AMOTL1: variants seen among roughly 807,000 people sequenced by gnomAD.
AMOTL1 encodes the protein angiomotin like 1, also known as angiomotin-like protein 1.
AMOTL1 carries 45 observed loss-of-function variants against 102.9 expected under a neutral mutation model. That is an observed-to-expected ratio of 0.44 (90% CI 0.34 to 0.56). The LOEUF (loss-of-function observed/expected upper bound fraction) is 0.56, where lower values mean the gene tolerates loss of function less well. AMOTL1 is among the 20% of genes least tolerant of loss of function. AMOTL1 has a pLI of 0.01. For synonymous variants in AMOTL1, 481 were observed against 484.7 expected, an observed-to-expected ratio of 0.99 and a Z score of 0.10; for missense variants, 1,114 against 1,225.6, an observed-to-expected ratio of 0.91 and a Z score of 1.36.
intron 9 of AMOTL1, among the ~76,000 whole-genome samples, chr11:94,862,111 G>A (rs765344813): frequency 6.6e-6 from 1 of 151,928 alleles, no homozygotes; most frequent in Non-Finnish European, 1.5e-5. Context: ...TTCCATCCCC[G>A]TCACCCCTCC....
chr11:94,824,215 G>T (rs1382261141), intron 4 of AMOTL1, among the ~76,000 whole-genome samples: 2 of 152,114 alleles, frequency 1.3e-5, no homozygotes, highest in African/African-American at 4.8e-5. Flanking sequence ...TCAGTCCCTT[G>T]AATGTTATAA....
At chr11:94,722,321 C>T (rs1218879069) in intron 1 of AMOTL1, among the ~76,000 whole-genome samples, 1 of 152,136 alleles carries the variant, frequency 6.6e-6, no homozygotes, top group Non-Finnish European at 1.5e-5. Context: ...TTCTGTTTCT[C>T]CATGGAATGC....
chr11:94,746,608 C>G (rs1458383919), intron 3 of AMOTL1, among the ~76,000 whole-genome samples: 1 of 152,136 alleles, frequency 6.6e-6, no homozygotes, highest in Non-Finnish European at 1.5e-5. Context: ...AGCCTTCAAC[C>G]CTAATCCCAT....
At chr11:94,738,315 T>A (rs1351808373) in intron 2 of AMOTL1, among the ~76,000 whole-genome samples, 1 of 144,762 alleles carries the variant, frequency 6.9e-6, no homozygotes, top group African/African-American at 2.5e-5. Context: ...TGGACTGCAA[T>A]GGCGTGATCT....
At chr11:94,850,353 A>G (rs1952509047) in intron 7 of AMOTL1, 94 bp downstream of exon 7, 1 of 1,428,864 alleles carries the variant, frequency 7.0e-7, no homozygotes, top group Non-Finnish European at 9.2e-7. Flanking sequence ...CTTTAACCAG[A>G]GCCAATTCCA....
At chr11:94,851,542 T>A (rs191373) in intron 7 of AMOTL1, among the ~76,000 whole-genome samples, 4 of 152,196 alleles carry the variant, frequency 2.6e-5, no homozygotes, top group African/African-American at 9.6e-5. Flanking sequence ...GTTCAGATAC[T>A]GAGAGCCTAC....
intron 3 of AMOTL1, among the ~76,000 whole-genome samples, chr11:94,750,179 C>G (rs373209525): frequency 7.2e-5 from 11 of 152,194 alleles, no homozygotes; most frequent in African/African-American, 2.4e-4. Flanking sequence ...GGCCACCCTG[C>G]AGTTTTATGG....
chr11:94,729,503 C>A (rs2135456797), intron 2 of AMOTL1, among the ~76,000 whole-genome samples: 1 of 152,290 alleles, frequency 6.6e-6, no homozygotes, highest in South Asian at 2.1e-4. Flanking sequence ...AGTAGGCCAG[C>A]TCTTTCCCTT....
intron 3 of AMOTL1, among the ~76,000 whole-genome samples, chr11:94,742,854 T>C (rs1455332268): frequency 6.6e-6 from 1 of 152,172 alleles, no homozygotes; most frequent in Non-Finnish European, 1.5e-5. Context: ...TCTCACTGTG[T>C]CCTCAACATG....
intron 11 of AMOTL1, 166 bp downstream of exon 11, chr11:94,866,334 G>A (rs1952882617): frequency 8.8e-6 from 6 of 681,236 alleles, no homozygotes; most frequent in Non-Finnish European, 1.5e-5. Flanking sequence ...ATATGTGGAA[G>A]CATTGTGTAA....
intron 3 of AMOTL1, among the ~76,000 whole-genome samples, chr11:94,745,499 G>T (rs1950579808): frequency 6.6e-6 from 1 of 152,068 alleles, no homozygotes; most frequent in South Asian, 2.1e-4. Flanking sequence ...AGGGTTTTAG[G>T]AGCTCTGTGC....
Position 94,744,168 on chromosome 11 carries a change from A to G in AMOTL1, c.136+3180A>G, listed in dbSNP as rs561122247. On this transcript the variant is annotated intron_variant, in intron 3 of 4. Coordinates refer to the AMOTL1 transcript ENST00000299004. Reference sequence around the variant, plus strand: ...TCAACGGCAAGTGGTGGGTCCACATATTACCCACACTTATGTCTAACTTGG... The same window carrying G: ...TCAACGGCAAGTGGTGGGTCCACATGTTACCCACACTTATGTCTAACTTGG... Among the ~76,000 whole-genome samples the G allele has an allele frequency of 1.3e-4, 20 of 152,292 alleles. No individual in the cohort carries two copies. In the South Asian group the frequency reaches 3.9e-3, roughly 30 times the overall value.
At chr11:94,748,800 A>G (rs1950617571) in intron 3 of AMOTL1, among the ~76,000 whole-genome samples, 2 of 152,172 alleles carry the variant, frequency 1.3e-5, no homozygotes, top group Admixed American at 1.3e-4. Context: ...GTATTTGACC[A>G]ATAAGAAGCA....
At chr11:94,717,519 A>T (rs1950115102) in intron 1 of AMOTL1, among the ~76,000 whole-genome samples, 2 of 151,854 alleles carry the variant, frequency 1.3e-5, no homozygotes, top group South Asian at 2.1e-4. Flanking sequence ...TTTGGAAAAG[A>T]AAGTTAAAGC....
intron 6 of AMOTL1, 125 bp from the exon 7 acceptor site, chr11:94,849,989 G>A: frequency 8.4e-7 from 1 of 1,192,074 alleles, no homozygotes; most frequent in Middle Eastern, 2.0e-4. Flanking sequence ...AGCAGAAACA[G>A]CAATTCAGTC....
upstream of AMOTL1, chr11:94,768,335 G>A: frequency 7.3e-7 from 1 of 1,365,002 alleles, no homozygotes; most frequent in Non-Finnish European, 9.4e-7. Context: ...GCGGGGAGCG[G>A]GGAGCGCGGA....
chr11:94,774,258 A>T (rs1285871526), intron 1 of AMOTL1, among the ~76,000 whole-genome samples: 1 of 152,230 alleles, frequency 6.6e-6, no homozygotes, highest in Non-Finnish European at 1.5e-5. Context: ...TGAATGAGAT[A>T]GAAGCTAGGA....
intron 6 of AMOTL1, among the ~76,000 whole-genome samples, chr11:94,838,931 G>T (rs1952238956): frequency 6.6e-6 from 1 of 152,096 alleles, no homozygotes; most frequent in Admixed American, 6.5e-5. Flanking sequence ...TAGTTAATTG[G>T]CTGGATAGTG....
intron 3 of AMOTL1, among the ~76,000 whole-genome samples, chr11:94,814,815 G>C (rs1357574224): frequency 1.3e-5 from 2 of 152,138 alleles, no homozygotes; most frequent in Non-Finnish European, 2.9e-5. Context: ...TCCGTTTCAT[G>C]GGACTATAAT....
Sources: gnomAD v4.1 joint callset for allele counts (sites outside exome capture counted in the v4.1 genomes callset) on GRCh38, gnomAD v4.1.1 for gene constraint, MANE v1.5 for transcripts, NCBI Gene and HGNC (gene_info 2026-07-23, HGNC 2026-07-21) for gene names.